DDX5: variants seen among roughly 807,000 people sequenced by gnomAD.
DDX5 encodes probable ATP-dependent RNA helicase DDX5.
A neutral mutation model predicts 68.6 loss-of-function variants in DDX5; 6 were observed. The ratio of observed to expected loss-of-function variants is 0.09; its 90% CI spans 0.05 to 0.17. The LOEUF (loss-of-function observed/expected upper bound fraction) is 0.17. Ranked by LOEUF, DDX5 falls within the 10% of genes least tolerant of loss-of-function variation. The probability of loss-of-function intolerance (pLI) is 1.00; values close to 1 mark genes in which losing one functional copy is unlikely to be tolerated. For missense variants in DDX5, 499 were observed against 756.1 expected (o/e 0.66, Z 3.99); for synonymous variants, 350 against 247.0 (o/e 1.42, Z -3.91).
At position 64,504,120 on chromosome 17, in the gene DDX5, T is replaced by C; in HGVS notation, c.308-4A>G. ...GCAATAACATCCATGACATTTGCTA[T>C]AATTAGTAACAGATATTTAGTAAAA... On this transcript the variant is annotated splice_region_variant and splice_polypyrimidine_tract_variant and intron_variant, in intron 3 of 12. Transcript: ENST00000225792. 1 of 1,614,080 alleles carries C rather than the reference T, an allele frequency of 6.2e-7. No homozygotes were observed. Among genetic ancestry groups the C allele is most frequent in the Non-Finnish European group, 8.5e-7 (1 of 1,179,930 alleles).
intron 1 of DDX5, chr17:64,505,407 AG>A (rs1169494351): frequency 5.8e-6 from 3 of 520,490 alleles, no homozygotes; most frequent in African/African-American, 1.9e-5. Flanking sequence ...TATATAACGC[AG>A]GAAAAAAGAA....
At chr17:64,506,668 G>GTTTAAT, upstream of DDX5, 1 of 318,836 alleles carries the variant, frequency 3.1e-6, no homozygotes, top group South Asian at 3.5e-5. Context: ...GTTGTCACGT[G>GTTTAAT]GCTGTACCAC....
At chr17:64,503,390 T>G in intron 6 of DDX5, 40 bp downstream of exon 6, 1 of 1,614,022 alleles carries the variant, frequency 6.2e-7, no homozygotes, top group Non-Finnish European at 8.5e-7. Context: ...ACCTAGGATA[T>G]TTAGCACCAA....
chr17:64,503,378 A>G (rs2038345489), intron 6 of DDX5, 30 bp from the exon 7 acceptor site: 1 of 1,614,058 alleles, frequency 6.2e-7, no homozygotes, highest in Middle Eastern at 1.6e-4. Flanking sequence ...TGTAACTACA[A>G]TACCTAGGAT....
At chr17:64,502,127 G>C (rs781875206) in intron 10 of DDX5, 35 bp downstream of exon 10, 1 of 1,613,832 alleles carries the variant, frequency 6.2e-7, no homozygotes. Context: ...GCTAGGTTAA[G>C]TAAGGGGGAA....
chr17:64,503,368 T>C lies in DDX5; in HGVS notation c.650-20A>G. ...CCACACCTTTAATTAAATACGTAAG[T>C]GTAACTACAATACCTAGGATATTTA... On this transcript the variant is annotated intron_variant, in intron 6 of 12. Transcript: ENST00000225792. 1 of 1,614,150 alleles carries C rather than the reference T, an allele frequency of 6.2e-7. No individual in the cohort carries two copies. The highest frequency in any genetic ancestry group is 8.5e-7 in the Non-Finnish European group (1 of 1,179,986).
At chr17:64,504,466 G>A in intron 2 of DDX5, 148 bp from the exon 3 acceptor site, 5 of 873,340 alleles carry the variant, frequency 5.7e-6, no homozygotes, top group Middle Eastern at 2.3e-4. Context: ...ACCCTATTAT[G>A]AAAAAAAAAA....
chr17:64,506,237 C>T lies in DDX5; in HGVS notation c.-118G>A. On this transcript the variant is annotated 5_prime_UTR_variant, in exon 1 of 13. Coordinates refer to ENST00000225792, the MANE Select transcript of DDX5 (RefSeq NM_004396.5). ...GGGGGCGGCAGCGGAGGAAGGACAC[C>T]GATGACACCAGCCGAAGCTGCACTA... 6.4e-7 allele frequency: 1 copy of T among 1,551,578 alleles called. No homozygotes were observed. The highest frequency in any genetic ancestry group is 8.7e-7 in the Non-Finnish European group (1 of 1,148,326).
chr17:64,502,797 AG>A, intron 8 of DDX5, 128 bp downstream of exon 8: 1 of 959,914 alleles, frequency 1.0e-6, no homozygotes, highest in South Asian at 1.8e-5. Flanking sequence ...AGAAATTTTC[AG>A]GATTAGTAGG....
At chr17:64,502,326 G>A in intron 9 of DDX5, 103 bp from the exon 10 acceptor site, 15 of 1,477,800 alleles carry the variant, frequency 1.0e-5, no homozygotes, top group South Asian at 3.5e-5. Context: ...CGCCAGAAAT[G>A]AAAAAGTTAA....
At chr17:64,502,754 A>G in intron 8 of DDX5, 172 bp downstream of exon 8, 1 of 767,760 alleles carries the variant, frequency 1.3e-6, no homozygotes. Flanking sequence ...TAGGAAAGCT[A>G]TAAATGGTGA....
Position 64,503,334 on chromosome 17 carries a change from T to C in DDX5, c.664A>G (p.Ile222Val). The change falls in exon 7 of 13, where the codon ATT becomes GTT. Residue 222 changes from isoleucine (I) to valine (V), a missense_variant. By Grantham distance (29) the Ile-to-Val change is conservative. Transcript: ENST00000225792. The part of the protein sequence containing the change: ...RDLERGVEIC[I>V]ATPGRLIDFL... Reference sequence around the variant, plus strand: ...TCAATCAGTCTTCCAGGTGTTGCAATACAGATTTCCACACCTTTAATTAAA... The same window carrying C: ...TCAATCAGTCTTCCAGGTGTTGCAACACAGATTTCCACACCTTTAATTAAA... 6.2e-7 allele frequency: 1 copy of C among 1,614,228 alleles called. No homozygotes were observed. The highest frequency in any genetic ancestry group is 8.5e-7 in the Non-Finnish European group (1 of 1,180,030).
At chr17:64,501,059 A>T (rs535594202) in intron 11 of DDX5, 2 of 470,696 alleles carry the variant, frequency 4.2e-6, no homozygotes, top group African/African-American at 1.9e-5. Flanking sequence ...TCCCTTACAG[A>T]TCATCAAGTG....
At position 64,499,419 on chromosome 17, in the gene DDX5, ATTC is replaced by A. The variant is rs1469582012; in HGVS notation, c.*501_*503del. Among the ~76,000 whole-genome samples the A allele has an allele frequency of 6.6e-6, 1 of 152,162 alleles. No individual in the cohort carries two copies. Among genetic ancestry groups the A allele is most frequent in the African/African-American group, 2.4e-5 (1 of 41,438 alleles). On this transcript the variant is annotated 3_prime_UTR_variant, in exon 13 of 13. Transcript: ENST00000225792. Reference sequence around the variant, plus strand: ...TGTAACTAAAAATTCACCTGTATCAATTCATTCTGACTCCTGCAATATGAATAG... The same window carrying A: ...TGTAACTAAAAATTCACCTGTATCAAATTCTGACTCCTGCAATATGAATAG...
intron 1 of DDX5, chr17:64,505,800 C>G (rs1555672253): frequency 1.3e-6 from 2 of 1,536,176 alleles, no homozygotes; most frequent in Admixed American, 2.0e-5. Flanking sequence ...CCGCACAATA[C>G]GCTCCCTCTC....
chr17:64,500,527 A>G (rs782452401), intron 12 of DDX5, 22 bp downstream of exon 12: 20 of 1,602,972 alleles, frequency 1.2e-5, no homozygotes, highest in Non-Finnish European at 1.7e-5. Context: ...AACTACCAAC[A>G]TTTCCTATCA....
intron 3 of DDX5, 46 bp from the exon 4 acceptor site, chr17:64,504,162 A>G: frequency 6.2e-7 from 1 of 1,612,986 alleles, no homozygotes; most frequent in Non-Finnish European, 8.5e-7. Context: ...GATGCCAAGA[A>G]AAAGAGGGGG....
At chr17:64,505,632 A>C in intron 1 of DDX5, 1 of 1,143,278 alleles carries the variant, frequency 8.7e-7, no homozygotes, top group East Asian at 2.6e-5. Context: ...CGACTCAGCC[A>C]CATGGCTGAT....
Position 64,499,546 on chromosome 17 carries a change from C to CAA in DDX5, c.*375_*376dup. On this transcript the variant is annotated 3_prime_UTR_variant, in exon 13 of 13. Transcript: ENST00000225792. The stretch of plus-strand genomic sequence containing the variant: ...ATGGAAAAAAAAAACCAAACAAAAA[C>CAA]AAAAAAAAAACCAGACCATCTTAAG... The CAA allele has an allele frequency of 1.1e-4, 22 of 206,942 alleles. No individual in the cohort carries two copies. The highest frequency in any genetic ancestry group is 1.5e-4 in the East Asian group (2 of 13,148). The allele number at this position is 206,942 out of a possible 1,614,324, so 12.8% of individuals were successfully genotyped here.
Sources: gnomAD v4.1 joint callset for allele counts (sites outside exome capture counted in the v4.1 genomes callset) on GRCh38, gnomAD v4.1.1 for gene constraint, MANE v1.5 for transcripts, NCBI Gene and HGNC (gene_info 2026-07-23, HGNC 2026-07-21) for gene names.